The following ABL1 variants were observed in gnomAD, a reference collection of about 807,000 sequenced individuals.
The protein encoded by ABL1 is tyrosine-protein kinase ABL1.
Under a neutral mutation model 94.7 loss-of-function variants are expected in ABL1, and 11 were observed. That is an observed-to-expected ratio of 0.12 (90% CI 0.07 to 0.19). The LOEUF (loss-of-function observed/expected upper bound fraction) is 0.19. ABL1 is among the 10% of genes least tolerant of loss of function. The pLI, the probability that ABL1 is intolerant of heterozygous loss-of-function variation, is 1.00. For missense variants in ABL1, 1,082 were observed against 1,489.4 expected, an observed-to-expected ratio of 0.73 and a Z score of 4.50; for synonymous variants, 656 against 622.4, an observed-to-expected ratio of 1.05 and a Z score of -0.80.
At chr9:130,874,541 C>T (rs34763152) in intron 6 of ABL1, among the ~76,000 whole-genome samples, 2 of 152,188 alleles carry the variant, frequency 1.3e-5, no homozygotes, top group Non-Finnish European at 1.5e-5. Flanking sequence ...TAATTAATTA[C>T]ACTCACAGCA....
intron 1 of ABL1, among the ~76,000 whole-genome samples, chr9:130,849,071 T>C (rs182580505): frequency 1.3e-5 from 2 of 152,372 alleles, no homozygotes; most frequent in East Asian, 3.9e-4. Flanking sequence ...GCCTATATAC[T>C]GGAATGTAAT....
exon 1 of ABL1, among the ~76,000 whole-genome samples, chr9:130,713,111 G>T (rs920991936): frequency 7.4e-4 from 112 of 152,214 alleles, no homozygotes; most frequent in Middle Eastern, 3.2e-3. Context: ...GCCGGTTCCC[G>T]GGTCCTGCGG....
chr9:130,758,407 G>A (rs1229185688), intron 1 of ABL1, among the ~76,000 whole-genome samples: 5 of 152,000 alleles, frequency 3.3e-5, no homozygotes, highest in South Asian at 2.1e-4. Flanking sequence ...TGATCCACCC[G>A]CCTTGGCCTC....
rs767173632 is a variant in ABL1 at position 130,884,166 on chromosome 9, G to A, written c.1876G>A (p.Gly626Ser). Residue 626 changes from glycine to serine, a missense_variant, in exon 11 of 11, where the codon GGC becomes AGC. Physicochemically the swap from Gly to Ser is moderately conservative, Grantham distance 56. Coordinates refer to ENST00000318560, the MANE Select transcript of ABL1 (RefSeq NM_005157.6). This position sits in a 1 kb window ranked among gnomAD's most constrained non-coding sequence, Gnocchi z 5.6. ...KRSSSFREMD[G>S]QPERRGAGEE... ...CAGCAGCTCCTTCCGGGAGATGGACGGCCAGCCGGAGCGCAGAGGGGCCGG... is the reference window on the plus strand; with the variant it reads ...CAGCAGCTCCTTCCGGGAGATGGACAGCCAGCCGGAGCGCAGAGGGGCCGG... The A allele has an allele frequency of 3.8e-5, 62 of 1,612,840 alleles. No homozygotes were observed. Among genetic ancestry groups the A allele is most frequent in the Middle Eastern group, 3.3e-4 (2 of 6,068 alleles).
chr9:130,739,496 G>C (rs1831790262), intron 1 of ABL1, among the ~76,000 whole-genome samples: 1 of 151,938 alleles, frequency 6.6e-6, no homozygotes, highest in South Asian at 2.1e-4. Context: ...ATACATTTTT[G>C]TAAATTATTC....
rs2133042078 is a variant in ABL1, at chr9:130,886,123, C to G, written c.*440C>G. ...CCAAGAATGGAAGCCTGAACTGAGGCCTTGTGTGTCAGGCCCTCTGCCTGC... is the reference window on the plus strand; with the variant it reads ...CCAAGAATGGAAGCCTGAACTGAGGGCTTGTGTGTCAGGCCCTCTGCCTGC... On this transcript the variant is annotated 3_prime_UTR_variant, in exon 11 of 11. Coordinates refer to ENST00000318560, the MANE Select transcript of ABL1 (RefSeq NM_005157.6). The G allele has an allele frequency of 4.0e-6, 1 of 253,100 alleles. No individual in the cohort carries two copies. The allele number at this position is 253,100 out of a possible 1,614,324, so 15.7% of individuals were successfully genotyped here.
At chr9:130,741,968 G>C (rs1831825906) in intron 1 of ABL1, among the ~76,000 whole-genome samples, 2 of 152,184 alleles carry the variant, frequency 1.3e-5, no homozygotes, top group Non-Finnish European at 2.9e-5. Flanking sequence ...TGGTGGCTGT[G>C]GTGTCCCTGG....
intron 1 of ABL1, among the ~76,000 whole-genome samples, chr9:130,815,398 TC>T (rs1830271425): frequency 6.6e-6 from 1 of 152,264 alleles, no homozygotes. Context: ...AGTCACTTCT[TC>T]CTTTGTTCAG....
intron 1 of ABL1, among the ~76,000 whole-genome samples, chr9:130,841,557 A>C (rs766130671): frequency 6.6e-6 from 1 of 151,200 alleles, no homozygotes; most frequent in African/African-American, 2.4e-5. Flanking sequence ...GACGCCTGTA[A>C]TCCCAGCACT....
chr9:130,760,698 C>G (rs941691642), intron 1 of ABL1, among the ~76,000 whole-genome samples: 2 of 150,916 alleles, frequency 1.3e-5, no homozygotes, highest in African/African-American at 4.9e-5. Context: ...GAGTCTCGCT[C>G]TGTCGCCAGG....
Position 130,885,393 on chromosome 9 carries a change from A to G in ABL1, c.3103A>G (p.Ser1035Gly), listed in dbSNP as rs2133040075. The G allele has an allele frequency of 2.5e-6, 4 of 1,613,666 alleles. No homozygotes were observed. Among genetic ancestry groups the G allele is most frequent in the Non-Finnish European group, 3.4e-6 (4 of 1,180,034 alleles). ...GAITKGVVLD[S>G]TEALCLAISR... ...CATCACCAAGGGCGTGGTCCTGGAC[A>G]GCACCGAGGCGCTGTGCCTCGCCAT... Residue 1035 changes from serine (S) to glycine (G), a missense_variant, in exon 11 of 11, where the codon AGC becomes GGC. Ser to Gly is a moderately conservative substitution (Grantham distance 56, BLOSUM62 0). Coordinates refer to ENST00000318560, the MANE Select transcript of ABL1 (RefSeq NM_005157.6).
At chr9:130,771,251 T>C (rs927058486) in intron 1 of ABL1, among the ~76,000 whole-genome samples, 11 of 151,902 alleles carry the variant, frequency 7.2e-5, no homozygotes, top group African/African-American at 2.4e-4. Context: ...TGTATGTATG[T>C]ATGTATGTAT....
At chr9:130,726,576 G>T (rs942569881) in intron 1 of ABL1, among the ~76,000 whole-genome samples, 1 of 151,956 alleles carries the variant, frequency 6.6e-6, no homozygotes, top group Non-Finnish European at 1.5e-5. Context: ...AAAAAAATTT[G>T]TTAACTTTCT....
intron 1 of ABL1, among the ~76,000 whole-genome samples, chr9:130,732,603 T>C (rs1831680584): frequency 6.6e-6 from 1 of 152,184 alleles, no homozygotes; most frequent in African/African-American, 2.4e-5. Context: ...TCCAGGTTTC[T>C]GGTGCTGCCA....
intron 1 of ABL1, among the ~76,000 whole-genome samples, chr9:130,806,770 C>T (rs189047627): frequency 3.3e-5 from 5 of 151,460 alleles, no homozygotes; most frequent in African/African-American, 4.9e-5. Context: ...GTATTCTGGA[C>T]CTACACACCT....
At position 130,880,213 on chromosome 9, in the gene ABL1, C is replaced by T; in HGVS notation, c.1513+56C>T. 1 of 1,546,220 alleles carries T rather than the reference C, an allele frequency of 6.5e-7. No homozygotes were observed. Among genetic ancestry groups the T allele is most frequent in the East Asian group, 2.2e-5 (1 of 44,532 alleles). On this transcript the variant is annotated intron_variant, in intron 9 of 10. Coordinates refer to ENST00000318560, the MANE Select transcript of ABL1 (RefSeq NM_005157.6). The surrounding 1 kb of genome is among the most constrained non-coding windows in gnomAD (Gnocchi z 4.4). Reference sequence around the variant, plus strand: ...GGGGTGAAAGGGCAGCCATGTGGGACTGCAGCCTGGGTCATTCGGTTCACT... The same window carrying T: ...GGGGTGAAAGGGCAGCCATGTGGGATTGCAGCCTGGGTCATTCGGTTCACT...
intron 3 of ABL1, among the ~76,000 whole-genome samples, chr9:130,860,436 T>TG (rs1564314651): frequency 6.6e-6 from 1 of 152,136 alleles, no homozygotes. Context: ...CAGTAGCCAA[T>TG]GGGGGAATCA....
At chr9:130,741,910 G>A (rs1291284683) in intron 1 of ABL1, among the ~76,000 whole-genome samples, 4 of 152,212 alleles carry the variant, frequency 2.6e-5, no homozygotes, top group South Asian at 4.1e-4. Context: ...TGAGCTGGTT[G>A]GGATTGGTGA....
chr9:130,806,036 A>G (rs1378267127), intron 1 of ABL1, among the ~76,000 whole-genome samples: 1 of 152,230 alleles, frequency 6.6e-6, no homozygotes, highest in African/African-American at 2.4e-5. Flanking sequence ...ATAGGAAGAA[A>G]GCAGGTGTCT....
Sources: gnomAD v4.1 joint callset for allele counts (sites outside exome capture counted in the v4.1 genomes callset) on GRCh38, gnomAD v4.1.1 for gene constraint, Gnocchi (gnomAD v3.1) non-coding constraint, MANE v1.5 for transcripts, NCBI Gene and HGNC (gene_info 2026-07-23, HGNC 2026-07-21) for gene names.